Variants in PDE3A observed in about 807,000 individuals in gnomAD.
PDE3A encodes the protein phosphodiesterase 3A.
A neutral mutation model predicts 98.3 loss-of-function variants in PDE3A; 43 were observed. The observed-to-expected ratio is 0.44, with a 90% CI of 0.34 to 0.56. The LOEUF is 0.56. Among genes scored for constraint, PDE3A ranks in the 20% least tolerant of loss-of-function variants. The pLI is 0.01. For missense variants in PDE3A, 1,427 were observed against 1,440.7 expected (o/e 0.99, Z 0.15); for synonymous variants, 663 against 567.9 (o/e 1.17, Z -2.38).
chr12:20,418,593 G>C (rs1452727776), intron 1 of PDE3A, among the ~76,000 whole-genome samples: 3 of 152,148 alleles, frequency 2.0e-5, no homozygotes, highest in African/African-American at 7.2e-5. Context: ...AGAATGTCAA[G>C]ATAGTTATGT....
At chr12:20,527,476 G>A (rs942248614) in intron 1 of PDE3A, among the ~76,000 whole-genome samples, 3 of 152,058 alleles carry the variant, frequency 2.0e-5, no homozygotes, top group Admixed American at 2.0e-4. Flanking sequence ...TAAATAGAAA[G>A]GCTATGAGCT....
chr12:20,448,639 C>T lies in PDE3A; in HGVS notation c.960+78395C>T, dbSNP rs538167309. Among the ~76,000 whole-genome samples, 60 of 152,126 alleles carry T rather than the reference C, an allele frequency of 3.9e-4. 1 individual carries two copies. In the South Asian group the frequency reaches 6.2e-3, roughly 16 times the overall value. ...TCATGAATTTGGATATGAATGCAGG[C>T]ACTTACCTACGTAATTTCTAATATT... On this transcript the variant is annotated intron_variant, in intron 1 of 15. Coordinates refer to ENST00000359062, the MANE Select transcript of PDE3A (RefSeq NM_000921.5).
chr12:20,668,879 C>A (rs1193479465), intron 15 of PDE3A, among the ~76,000 whole-genome samples: 1 of 151,500 alleles, frequency 6.6e-6, no homozygotes, highest in African/African-American at 2.4e-5. Flanking sequence ...GAGAAGAAGG[C>A]TTCAGACGAT....
rs73233952 is a variant in PDE3A, at chr12:20,556,123, G to A, written c.961-537G>A. Among the ~76,000 whole-genome samples, 1,245 of 152,184 alleles carry A rather than the reference G, an allele frequency of 8.2e-3. 11 individuals carry two copies. The highest frequency in any genetic ancestry group is 0.024 in the African/African-American group (998 of 41,540). ...GGGCTATTACCACCATAGGAATAACGTGATGATATTTTATAGGTTATTATT... is the reference window on the plus strand; with the variant it reads ...GGGCTATTACCACCATAGGAATAACATGATGATATTTTATAGGTTATTATT... On this transcript the variant is annotated intron_variant, in intron 1 of 15. Coordinates refer to ENST00000359062, the MANE Select transcript of PDE3A (RefSeq NM_000921.5).
chr12:20,606,249 C>T (rs1407177741), intron 2 of PDE3A, among the ~76,000 whole-genome samples: 1 of 151,756 alleles, frequency 6.6e-6, no homozygotes, highest in African/African-American at 2.4e-5. Context: ...ATAATTATTT[C>T]CTAAGCATTC....
intron 2 of PDE3A, among the ~76,000 whole-genome samples, chr12:20,570,065 G>A (rs929890682): frequency 6.6e-6 from 1 of 152,054 alleles, no homozygotes; most frequent in African/African-American, 2.4e-5. Flanking sequence ...TGGAAGTTTA[G>A]CTTATGAAAG....
At chr12:20,389,617 G>A (rs546472232) in intron 1 of PDE3A, among the ~76,000 whole-genome samples, 1 of 152,030 alleles carries the variant, frequency 6.6e-6, no homozygotes, top group African/African-American at 2.4e-5. Context: ...CAGAAAATGT[G>A]GGGATTGCTG....
chr12:20,598,811 G>A (rs1198315186), intron 2 of PDE3A, among the ~76,000 whole-genome samples: 5 of 152,114 alleles, frequency 3.3e-5, no homozygotes, highest in Admixed American at 6.5e-5. Context: ...AAGTGCAAAT[G>A]ATTCTCCTTA....
intron 1 of PDE3A, 23 bp downstream of exon 1, chr12:20,370,267 T>C (rs1487710483): frequency 1.3e-6 from 2 of 1,495,616 alleles, no homozygotes; most frequent in Non-Finnish European, 1.8e-6. Context: ...AACTCCTCTC[T>C]CGGCTCTTGG....
chr12:20,426,532 G>A (rs1217858140), intron 1 of PDE3A, among the ~76,000 whole-genome samples: 1 of 152,138 alleles, frequency 6.6e-6, no homozygotes, highest in African/African-American at 2.4e-5. Flanking sequence ...GAAAGACTTG[G>A]ACAAACTGGA....
chr12:20,605,415 G>T (rs1943686804), intron 2 of PDE3A, among the ~76,000 whole-genome samples: 1 of 152,208 alleles, frequency 6.6e-6, no homozygotes, highest in South Asian at 2.1e-4. Context: ...ACTTTTCTAA[G>T]TCTACATAAT....
At chr12:20,417,601 G>A (rs1186567698) in intron 1 of PDE3A, among the ~76,000 whole-genome samples, 1 of 152,170 alleles carries the variant, frequency 6.6e-6, no homozygotes, top group East Asian at 1.9e-4. Flanking sequence ...CCCAGATCTA[G>A]CCAGAACTGC....
chr12:20,404,396 T>C (rs1033646761), intron 1 of PDE3A, among the ~76,000 whole-genome samples: 1 of 152,114 alleles, frequency 6.6e-6, no homozygotes, highest in African/African-American at 2.4e-5. Flanking sequence ...AAATCACTTA[T>C]GTAGAAAGCC....
chr12:20,649,046 G>A (rs946770116), intron 13 of PDE3A, among the ~76,000 whole-genome samples, 155 bp downstream of exon 13: 12 of 148,418 alleles, frequency 8.1e-5, no homozygotes, highest in African/African-American at 2.7e-4. Flanking sequence ...CTGCCTCAAC[G>A]TCCCGAGTAG....
At chr12:20,662,424 C>T (rs1192477204) in intron 15 of PDE3A, among the ~76,000 whole-genome samples, 1 of 152,204 alleles carries the variant, frequency 6.6e-6, no homozygotes, top group Non-Finnish European at 1.5e-5. Flanking sequence ...CCTCCTGCAT[C>T]ATTTTGACCT....
At chr12:20,624,721 A>G (rs2121491473) in intron 5 of PDE3A, among the ~76,000 whole-genome samples, 1 of 152,362 alleles carries the variant, frequency 6.6e-6, no homozygotes, top group South Asian at 2.1e-4. Context: ...TTCAGCCAAA[A>G]GAGACAAACA....
chr12:20,392,354 CTGTAGGTCTAAAATG>C (rs1167985802), intron 1 of PDE3A, among the ~76,000 whole-genome samples: 2 of 151,882 alleles, frequency 1.3e-5, no homozygotes, highest in African/African-American at 2.4e-5. Context: ...ATAACTATCA[CTGTAGGTCTAAAATG>C]TGTAGGTCTA....
intron 1 of PDE3A, among the ~76,000 whole-genome samples, chr12:20,428,431 C>T (rs895119322): frequency 3.3e-5 from 5 of 151,934 alleles, no homozygotes; most frequent in South Asian, 4.2e-4. Context: ...AGGCGCCCGC[C>T]GCCACGCCCG....
At position 20,648,927 on chromosome 12, in the gene PDE3A, CTT is replaced by C. The variant is rs71039963; in HGVS notation, c.2769+51_2769+52del. On this transcript the variant is annotated intron_variant, in intron 13 of 15. Coordinates refer to ENST00000359062, the MANE Select transcript of PDE3A (RefSeq NM_000921.5). ...CTGTACCCAGTTTTCTTTTCTTTTT[CTT>C]TTTTTTTTTTTTTTGAGACAGAGTC... is the stretch of plus-strand genomic sequence containing the variant. 5.4e-3 allele frequency: 4,867 copies of C among 893,654 alleles called. 181 individuals are homozygous for C. The highest frequency in any genetic ancestry group is 5.8e-3 in the Non-Finnish European group (3,555 of 614,248). 55.4% of individuals were successfully genotyped at this position (893,654 alleles called of 1,614,324 possible). A position where few individuals can be genotyped will look rare whatever the true frequency, so the allele number is the denominator to read the frequency against.
Sources: allele counts gnomAD v4.1 joint callset (sites outside exome capture counted in the v4.1 genomes callset), GRCh38; gene constraint gnomAD v4.1.1; transcripts MANE v1.5; gene names NCBI Gene and HGNC (gene_info 2026-07-23, HGNC 2026-07-21).